Variants in USP34 observed in about 807,000 individuals in gnomAD.
The protein encoded by USP34 is ubiquitin specific peptidase 34.
Under a neutral mutation model 460.3 loss-of-function variants are expected in USP34, and 70 were observed. The ratio of observed to expected loss-of-function variants is 0.15; its 90% CI spans 0.13 to 0.19. The LOEUF is 0.19. Among genes scored for constraint, USP34 ranks in the 10% least tolerant of loss-of-function variants. USP34 has a pLI of 1.00. For missense variants in USP34, 3,985 were observed against 4,236.2 expected, an observed-to-expected ratio of 0.94 and a Z score of 1.65; for synonymous variants, 1,647 against 1,405.3, an observed-to-expected ratio of 1.17 and a Z score of -3.85.
chr2:61,341,604 C>T (rs1691603085), intron 16 of USP34, among the ~76,000 whole-genome samples: 1 of 151,830 alleles, frequency 6.6e-6, no homozygotes, highest in African/African-American at 2.4e-5. Context: ...GCCATGAGAC[C>T]CCTGCTCCCC....
At chr2:61,461,966 G>A (rs375751494) in intron 1 of USP34, among the ~76,000 whole-genome samples, 3 of 152,082 alleles carry the variant, frequency 2.0e-5, no homozygotes, top group Admixed American at 6.6e-5. Flanking sequence ...TCAGCCAGAC[G>A]CGGTGGCTCA....
At chr2:61,289,029 C>G in intron 33 of USP34, 152 bp from the exon 34 acceptor site, 2 of 733,462 alleles carry the variant, frequency 2.7e-6, no homozygotes, top group East Asian at 2.7e-5. Flanking sequence ...ATATTATGGT[C>G]AGTACCAATT....
intron 34 of USP34, among the ~76,000 whole-genome samples, chr2:61,286,460 A>G (rs1689693202): frequency 6.6e-6 from 1 of 152,182 alleles, no homozygotes; most frequent in South Asian, 2.1e-4. Context: ...GTTTGAGATC[A>G]GCCTGTCCAA....
chr2:61,188,294 C>CA lies in USP34; in HGVS notation c.10448dup (p.Leu3483PhefsTer5). 1 of 1,613,806 alleles carries CA rather than the reference C, an allele frequency of 6.2e-7. No homozygotes were observed. On this transcript the variant is annotated frameshift_variant, in exon 80 of 80. Transcript: ENST00000398571. LOFTEE classifies it high-confidence loss of function. The stretch of plus-strand genomic sequence containing the variant: ...GCAAAGCTTGGCCATCACAGCTTCT[C>CA]AAGTCAGCTAAGTCAGACAGAACTG...
At chr2:61,411,056 A>T (rs1694022196) in intron 2 of USP34, among the ~76,000 whole-genome samples, 1 of 152,160 alleles carries the variant, frequency 6.6e-6, no homozygotes, top group African/African-American at 2.4e-5. Context: ...CATAATGAAC[A>T]AGATAAACTC....
chr2:61,269,664 A>G (rs900674992), intron 41 of USP34, among the ~76,000 whole-genome samples: 1 of 152,170 alleles, frequency 6.6e-6, no homozygotes, highest in African/African-American at 2.4e-5. Flanking sequence ...TGTCAACAAT[A>G]AAAGTTTAAA....
intron 1 of USP34, among the ~76,000 whole-genome samples, chr2:61,452,604 C>T (rs996886524): frequency 6.6e-6 from 1 of 151,800 alleles, no homozygotes; most frequent in African/African-American, 2.4e-5. Context: ...GCATTACAGG[C>T]GTCAGCCACC....
intron 20 of USP34, among the ~76,000 whole-genome samples, chr2:61,329,746 A>G (rs1691204976): frequency 6.6e-6 from 1 of 152,258 alleles, no homozygotes; most frequent in South Asian, 2.1e-4. Flanking sequence ...CAATTTGTAG[A>G]TAACCTATGT....
intron 33 of USP34, among the ~76,000 whole-genome samples, chr2:61,293,114 TAAAAC>T (rs1326060770): frequency 3.3e-5 from 5 of 151,934 alleles, no homozygotes; most frequent in Admixed American, 6.6e-5. Context: ...CACAACAAAA[TAAAAC>T]AAAAAAAGTT....
Position 61,257,328 on chromosome 2 carries a change from T to C in USP34, c.5867A>G (p.Asn1956Ser). The C allele has an allele frequency of 1.9e-6, 3 of 1,605,046 alleles. No individual in the cohort carries two copies. Among genetic ancestry groups the C allele is most frequent in the South Asian group, 2.3e-5 (2 of 88,394 alleles). The change falls in exon 45 of 80, where the codon AAT (asparagine) becomes AGT (serine). Residue 1956 changes from asparagine (N) to serine (S), a missense_variant. Transcript: ENST00000398571. Reference protein sequence around the residue: ...YLMESECKAYNPRPFCKTYTM... With the variant: ...YLMESECKAYSPRPFCKTYTM... ...GTATGTTTTACAGAAAGGTCTAGGA[T>C]TATATGCTTTGCATTCACTCTCCTG...
intron 10 of USP34, among the ~76,000 whole-genome samples, chr2:61,357,451 C>G (rs1350533345): frequency 6.6e-6 from 1 of 151,652 alleles, no homozygotes; most frequent in Non-Finnish European, 1.5e-5. Context: ...TGCATGAAAA[C>G]TTATGTTTAC....
In USP34 at chr2:61,294,939, A is replaced by G. The variant is rs779504308; in HGVS notation, c.4461+10T>C. The stretch of plus-strand genomic sequence containing the variant: ...TTTATCAATACATTGAAAAACACAT[A>G]TGATCAAACCTTGCAACTCCAGGAA... On this transcript the variant is annotated intron_variant, in intron 32 of 79. Transcript: ENST00000398571. 1.9e-6 allele frequency: 3 copies of G among 1,601,776 alleles called. No individual in the cohort carries two copies. Among genetic ancestry groups the G allele is most frequent in the South Asian group, 1.1e-5 (1 of 88,312 alleles).
intron 78 of USP34, chr2:61,189,573 C>A (rs1472220730): frequency 6.5e-6 from 1 of 152,706 alleles, no homozygotes; most frequent in Non-Finnish European, 1.5e-5. Flanking sequence ...CCGTGCCCAG[C>A]CTCATTAGTT....
intron 33 of USP34, among the ~76,000 whole-genome samples, chr2:61,292,335 C>G (rs988655536): frequency 1.3e-5 from 2 of 152,068 alleles, no homozygotes; most frequent in Admixed American, 6.5e-5. Context: ...TACCAGTTGA[C>G]CTGAAAGCAA....
intron 1 of USP34, among the ~76,000 whole-genome samples, chr2:61,470,194 T>C (rs72815573): frequency 0.13 from 19,533 of 152,128 alleles, 1,748 homozygotes; most frequent in East Asian, 0.39. Context: ...CCCGGGAGTT[T>C]AATGAAAATT....
chr2:61,275,390 G>A (rs1689341905), intron 41 of USP34, among the ~76,000 whole-genome samples: 2 of 152,200 alleles, frequency 1.3e-5, no homozygotes, highest in South Asian at 4.1e-4. Flanking sequence ...GCCAAGACGG[G>A]AGGATCACTT....
chr2:61,228,990 T>C lies in USP34; in HGVS notation c.7205A>G (p.Asp2402Gly). ...ATCTTCTACTGAGGTATCCATATCA[T>C]CTGACCTAAGAGACAATTAAATAGA... ...YLQPGMEDGS[D>G]DMDTSVEDIG... The change falls in exon 60 of 80, where the codon GAT becomes GGT. Residue 2402 changes from aspartate to glycine, a missense_variant. This residue lies in a region of USP34 where 604 missense variants were observed against 684.8 expected (regional missense o/e 0.88). Transcript: ENST00000398571. The C allele has an allele frequency of 6.3e-7, 1 of 1,577,838 alleles. No individual in the cohort carries two copies. Among genetic ancestry groups the C allele is most frequent in the Non-Finnish European group, 8.6e-7 (1 of 1,162,354 alleles).
At chr2:61,423,204 C>T (rs951445940) in intron 1 of USP34, among the ~76,000 whole-genome samples, 2 of 152,188 alleles carry the variant, frequency 1.3e-5, no homozygotes, top group Non-Finnish European at 2.9e-5. Flanking sequence ...ACCTCTGCCT[C>T]CCAGGTTCAA....
In USP34 at chr2:61,277,237, C is replaced by CT. The variant is rs11351343; in HGVS notation, c.5433+927dup. On this transcript the variant is annotated intron_variant, in intron 41 of 79. Transcript: ENST00000398571. ...AGCACACTGATAAAATATAGGTTAC[C>CT]TTTTTTTTTTTTTTTTTGAGACACG... 7.8e-3 allele frequency among the ~76,000 whole-genome samples: 1,071 copies of CT among 138,160 alleles called. 4 individuals carry two copies. Among genetic ancestry groups the CT allele is most frequent in the Middle Eastern group, 0.049 (13 of 268 alleles). The allele number at this position is 138,160 out of a possible 152,430, so 90.6% of individuals were successfully genotyped here.
Sources: gnomAD v4.1 joint callset for allele counts (sites outside exome capture counted in the v4.1 genomes callset) on GRCh38, gnomAD v4.1.1 for gene constraint, gnomAD v4.1.1 regional missense constraint, MANE v1.5 for transcripts, NCBI Gene and HGNC (gene_info 2026-07-23, HGNC 2026-07-21) for gene names.